MGMT: variants seen among roughly 807,000 people sequenced by gnomAD.
MGMT encodes the protein methylated-DNA--protein-cysteine methyltransferase.
In MGMT, 14 loss-of-function variants were observed where a neutral mutation model predicts 15.9. The observed-to-expected ratio is 0.88, with a 90% confidence interval of 0.58 to 1.37. The LOEUF (loss-of-function observed/expected upper bound fraction) is 1.37. Ranked by LOEUF, MGMT falls within the 40% of genes most tolerant of loss-of-function variation. The probability of loss-of-function intolerance (pLI) is 0.00; values close to 1 mark genes in which losing one functional copy is unlikely to be tolerated. For synonymous variants in MGMT, 130 were observed against 118.2 expected (o/e 1.10, Z -0.65); for missense variants, 282 against 268.1 (o/e 1.05, Z -0.36).
At chr10:129,506,520 C>G (rs921491803) in intron 1 of MGMT, among the ~76,000 whole-genome samples, 3 of 152,178 alleles carry the variant, frequency 2.0e-5, no homozygotes, top group African/African-American at 7.2e-5. Flanking sequence ...ATCTCACTGG[C>G]TCCAGATTGT....
At chr10:129,523,166 G>A (rs1021599953) in intron 1 of MGMT, among the ~76,000 whole-genome samples, 6 of 152,236 alleles carry the variant, frequency 3.9e-5, no homozygotes, top group African/African-American at 1.4e-4. Context: ...AGGTTGTGAG[G>A]AGTGTGCTGC....
intron 2 of MGMT, among the ~76,000 whole-genome samples, chr10:129,673,863 G>A (rs773320906): frequency 1.3e-5 from 2 of 152,172 alleles, no homozygotes; most frequent in African/African-American, 2.4e-5. Context: ...AAAAAAGTCT[G>A]CCTTTCTACC....
At chr10:129,750,486 T>TG (rs60408847) in intron 3 of MGMT, among the ~76,000 whole-genome samples, 36,428 of 151,984 alleles carry the variant, frequency 0.24, 5,113 homozygotes, top group Admixed American at 0.36. Flanking sequence ...AGATAAAAAA[T>TG]GTTCAACAAC....
intron 1 of MGMT, among the ~76,000 whole-genome samples, chr10:129,477,625 G>T (rs553582340): frequency 6.6e-6 from 1 of 152,198 alleles, no homozygotes; most frequent in Non-Finnish European, 1.5e-5. Flanking sequence ...AGGACACAGC[G>T]AGGAGGAGGC....
At chr10:129,650,450 C>G (rs916783702) in intron 2 of MGMT, among the ~76,000 whole-genome samples, 1 of 152,142 alleles carries the variant, frequency 6.6e-6, no homozygotes, top group African/African-American at 2.4e-5. Context: ...AGAGCCAGCT[C>G]CTGGTGGAGT....
intron 2 of MGMT, among the ~76,000 whole-genome samples, chr10:129,591,850 G>C (rs1846690446): frequency 1.3e-5 from 2 of 152,208 alleles, no homozygotes; most frequent in African/African-American, 4.8e-5. Flanking sequence ...AGAATGGCTT[G>C]AACCCGGGAG....
intron 3 of MGMT, among the ~76,000 whole-genome samples, chr10:129,734,169 A>G (rs1407566318): frequency 1.3e-5 from 2 of 148,984 alleles, no homozygotes; most frequent in African/African-American, 4.9e-5. Context: ...CATTTTCACG[A>G]TATTGATTCT....
At chr10:129,736,433 T>C (rs1202296991) in intron 3 of MGMT, among the ~76,000 whole-genome samples, 4 of 149,534 alleles carry the variant, frequency 2.7e-5, no homozygotes, top group African/African-American at 9.7e-5. Context: ...CCTCCATCCT[T>C]TTATTTTGAG....
At chr10:129,673,653 G>T (rs554977745) in intron 2 of MGMT, among the ~76,000 whole-genome samples, 169 of 152,184 alleles carry the variant, frequency 1.1e-3, no homozygotes, top group African/African-American at 4.0e-3. Context: ...CCCATTCAGG[G>T]GTTGCAAGTT....
intron 1 of MGMT, among the ~76,000 whole-genome samples, chr10:129,480,978 C>T (rs551525757): frequency 9.2e-5 from 14 of 152,308 alleles, no homozygotes; most frequent in South Asian, 2.1e-4. Context: ...TGCTTTGCTG[C>T]GCTTCCCGTT....
chr10:129,755,771 C>T (rs146992593), intron 3 of MGMT, among the ~76,000 whole-genome samples: 4 of 152,346 alleles, frequency 2.6e-5, no homozygotes, highest in South Asian at 2.1e-4. Context: ...GTGCAGTGGA[C>T]GCACAGGTGT....
At chr10:129,483,977 A>T (rs1845384305) in intron 1 of MGMT, among the ~76,000 whole-genome samples, 1 of 152,114 alleles carries the variant, frequency 6.6e-6, no homozygotes, top group Admixed American at 6.5e-5. Context: ...TTATCCACAT[A>T]GCCTGCAGGA....
intron 3 of MGMT, among the ~76,000 whole-genome samples, chr10:129,731,212 G>T (rs1848492628): frequency 1.3e-5 from 1 of 75,540 alleles, no homozygotes; most frequent in Non-Finnish European, 2.4e-5. Context: ...GCCAGGCCCG[G>T]TCGGGCTCAG....
chr10:129,608,264 C>A (rs987390975), intron 2 of MGMT, among the ~76,000 whole-genome samples: 2 of 152,164 alleles, frequency 1.3e-5, no homozygotes, highest in Non-Finnish European at 2.9e-5. Context: ...ATGCGTAGCC[C>A]GGAGCAGAGT....
intron 1 of MGMT, among the ~76,000 whole-genome samples, chr10:129,469,354 T>C (rs1381634597): frequency 6.6e-6 from 1 of 152,238 alleles, no homozygotes; most frequent in Non-Finnish European, 1.5e-5. Flanking sequence ...CATTTTTCTT[T>C]TTGGTGCTAA....
intron 2 of MGMT, among the ~76,000 whole-genome samples, chr10:129,626,461 C>T (rs2133079372): frequency 6.6e-6 from 1 of 152,308 alleles, no homozygotes; most frequent in East Asian, 1.9e-4. Context: ...GAATGTTTCT[C>T]CCTGGAGGGA....
chr10:129,536,102 A>T, intron 1 of MGMT, 139 bp from the exon 2 acceptor site: 1 of 933,086 alleles, frequency 1.1e-6, no homozygotes, highest in Non-Finnish European at 1.6e-6. Context: ...TGTGAAAATG[A>T]TGCATCGTAT....
At position 129,566,090 on chromosome 10, in the gene MGMT, C is replaced by T. The variant is rs947987599; in HGVS notation, c.125+29713C>T. On this transcript the variant is annotated intron_variant, in intron 2 of 4. Coordinates refer to ENST00000651593, the MANE Select transcript of MGMT (RefSeq NM_002412.5). The surrounding 1 kb of genome is among the most constrained non-coding windows in gnomAD (Gnocchi z 4.1). ...TCTGGTCATTCACACGTGGCCTGGC[C>T]ACTTGCCTATTGTACCAGCTCTCCA... 1.3e-5 allele frequency among the ~76,000 whole-genome samples: 2 copies of T among 152,192 alleles called. No individual in the cohort carries two copies. The highest frequency in any genetic ancestry group is 4.8e-5 in the African/African-American group (2 of 41,454).
At chr10:129,526,612 C>T (rs1386226537) in intron 1 of MGMT, among the ~76,000 whole-genome samples, 5 of 152,192 alleles carry the variant, frequency 3.3e-5, no homozygotes, top group African/African-American at 7.2e-5. Flanking sequence ...CTCCCACCTC[C>T]GCCTCTGGAT....
Sources: gnomAD v4.1 joint callset for allele counts (sites outside exome capture counted in the v4.1 genomes callset) on GRCh38, gnomAD v4.1.1 for gene constraint, Gnocchi (gnomAD v3.1) non-coding constraint, MANE v1.5 for transcripts, NCBI Gene and HGNC (gene_info 2026-07-23, HGNC 2026-07-21) for gene names.